ACVR2A: variants seen among roughly 807,000 people sequenced by gnomAD.
ACVR2A encodes the protein activin A receptor type 2A, also known as activin receptor type-2A.
In ACVR2A, 7 loss-of-function variants were observed where a neutral mutation model predicts 61.4. That is an observed-to-expected ratio of 0.11 (90% CI 0.06 to 0.21). The LOEUF (loss-of-function observed/expected upper bound fraction) is 0.21, where lower values mean the gene tolerates loss of function less well. ACVR2A is among the 10% of genes least tolerant of loss of function. The probability of loss-of-function intolerance (pLI) is 1.00; values close to 1 mark genes in which losing one functional copy is unlikely to be tolerated. For synonymous variants in ACVR2A, 193 were observed against 208.3 expected (o/e 0.93, Z 0.63); for missense variants, 322 against 621.7 (o/e 0.52, Z 5.13).
At chr2:147,865,736 A>G (rs754445073) in intron 1 of ACVR2A, among the ~76,000 whole-genome samples, 12 of 152,336 alleles carry the variant, frequency 7.9e-5, no homozygotes, top group Middle Eastern at 3.4e-3. Context: ...AGTATATGTC[A>G]CAACTGGGAG....
intron 6 of ACVR2A, 29 bp downstream of exon 6, chr2:147,917,455 A>G (rs781009040): frequency 4.4e-6 from 7 of 1,607,984 alleles, no homozygotes; most frequent in South Asian, 1.1e-5. Flanking sequence ...TTACTTTAGT[A>G]AAGTCTGAGT....
intron 1 of ACVR2A, among the ~76,000 whole-genome samples, chr2:147,875,857 A>T (rs1686140436): frequency 6.6e-6 from 1 of 152,106 alleles, no homozygotes; most frequent in Admixed American, 6.6e-5. Flanking sequence ...ATTACAGAAA[A>T]CATTTTTATA....
At chr2:147,870,069 G>A (rs1685970504) in intron 1 of ACVR2A, among the ~76,000 whole-genome samples, 1 of 144,976 alleles carries the variant, frequency 6.9e-6, no homozygotes, top group African/African-American at 2.5e-5. Flanking sequence ...TATATGGGAG[G>A]ACGTATGAGG....
chr2:147,846,503 A>G (rs1685317356), intron 1 of ACVR2A, among the ~76,000 whole-genome samples: 1 of 152,110 alleles, frequency 6.6e-6, no homozygotes, highest in Non-Finnish European at 1.5e-5. Context: ...ATAAATGGAT[A>G]AAGTCTAGTC....
At chr2:147,916,077 A>C (rs1332845451) in intron 5 of ACVR2A, among the ~76,000 whole-genome samples, 1 of 151,872 alleles carries the variant, frequency 6.6e-6, no homozygotes, top group Non-Finnish European at 1.5e-5. Context: ...CTTTTTCCAA[A>C]GTTATCATAT....
intron 4 of ACVR2A, among the ~76,000 whole-genome samples, chr2:147,912,343 A>C (rs1015945599): frequency 6.6e-6 from 1 of 152,022 alleles, no homozygotes; most frequent in Non-Finnish European, 1.5e-5. Flanking sequence ...ATATCTTTTT[A>C]GTTTTGCAAA....
At chr2:147,853,072 T>G (rs1290173367) in intron 1 of ACVR2A, among the ~76,000 whole-genome samples, 1 of 152,070 alleles carries the variant, frequency 6.6e-6, no homozygotes, top group Non-Finnish European at 1.5e-5. Context: ...ACTCGAAGAC[T>G]AAGGTAGAAT....
chr2:147,883,994 T>C (rs539815894), intron 1 of ACVR2A, among the ~76,000 whole-genome samples: 45 of 152,280 alleles, frequency 3.0e-4, no homozygotes, highest in African/African-American at 1.0e-3. Flanking sequence ...ACCCTTAATG[T>C]AGGTAGTGTC....
chr2:147,926,227 C>G, intron 10 of ACVR2A, 66 bp downstream of exon 10: 28 of 1,547,814 alleles, frequency 1.8e-5, no homozygotes, highest in Non-Finnish European at 1.9e-5. Context: ...AATTATTTAT[C>G]TCTGCACATT....
At position 147,917,611 on chromosome 2, in the gene ACVR2A, G is replaced by T. The variant is rs181924747; in HGVS notation, c.816+185G>T. Among the ~76,000 whole-genome samples, 11 of 151,928 alleles carry T rather than the reference G, an allele frequency of 7.2e-5. 1 individual carries two copies. The highest frequency in any genetic ancestry group is 3.4e-3 in the Middle Eastern group (1 of 294). ...TAGTTTATTTTAATAAAAGAGCAAA[G>T]ATGGCAACTTTTTAACCTAAAACTC... On this transcript the variant is annotated intron_variant, in intron 6 of 10. Transcript: ENST00000241416.
chr2:147,921,093 G>A (rs1185463085), intron 8 of ACVR2A, among the ~76,000 whole-genome samples: 1 of 152,098 alleles, frequency 6.6e-6, no homozygotes, highest in Non-Finnish European at 1.5e-5. Context: ...GAGTGCAGTG[G>A]CATGATCTTG....
intron 9 of ACVR2A, among the ~76,000 whole-genome samples, chr2:147,924,869 C>A (rs1687465958): frequency 6.6e-6 from 1 of 151,810 alleles, no homozygotes; most frequent in African/African-American, 2.4e-5. Context: ...GTGTTGCTGG[C>A]CTGTACACCA....
intron 1 of ACVR2A, among the ~76,000 whole-genome samples, chr2:147,871,512 G>C (rs1354644703): frequency 6.6e-6 from 1 of 151,906 alleles, no homozygotes; most frequent in Non-Finnish European, 1.5e-5. Flanking sequence ...CATTTACGTA[G>C]GTATGTATAA....
At chr2:147,922,684 A>G (rs1307586094) in intron 8 of ACVR2A, among the ~76,000 whole-genome samples, 2 of 152,114 alleles carry the variant, frequency 1.3e-5, no homozygotes, top group African/African-American at 4.8e-5. Context: ...CAGTATGCAA[A>G]GGTACAGTTG....
intron 1 of ACVR2A, among the ~76,000 whole-genome samples, chr2:147,861,129 A>G (rs1459662052): frequency 6.6e-6 from 1 of 152,216 alleles, no homozygotes; most frequent in Non-Finnish European, 1.5e-5. Context: ...GTAGCATTCT[A>G]AATAACTAAA....
intron 1 of ACVR2A, among the ~76,000 whole-genome samples, chr2:147,894,010 A>G (rs1314534061): frequency 6.6e-6 from 1 of 152,114 alleles, no homozygotes; most frequent in Non-Finnish European, 1.5e-5. Flanking sequence ...TTTTAGGTCT[A>G]TGATATGTTT....
At chr2:147,889,819 ATT>A (rs899365184) in intron 1 of ACVR2A, among the ~76,000 whole-genome samples, 1 of 147,590 alleles carries the variant, frequency 6.8e-6, no homozygotes, top group African/African-American at 2.5e-5. Context: ...GTGTATTGCT[ATT>A]TTTTTTTTAA....
chr2:147,910,809 C>T (rs969058836), intron 4 of ACVR2A, among the ~76,000 whole-genome samples: 36 of 152,124 alleles, frequency 2.4e-4, no homozygotes, highest in African/African-American at 8.4e-4. Context: ...CCAGGGCCAC[C>T]TCTGCTTAAC....
intron 1 of ACVR2A, among the ~76,000 whole-genome samples, chr2:147,863,582 T>G (rs915169667): frequency 6.6e-6 from 1 of 152,216 alleles, no homozygotes; most frequent in African/African-American, 2.4e-5. Flanking sequence ...ATTGTATTCT[T>G]ACAATAAGGA....
Sources: gnomAD v4.1 joint callset for allele counts (sites outside exome capture counted in the v4.1 genomes callset) on GRCh38, gnomAD v4.1.1 for gene constraint, MANE v1.5 for transcripts, NCBI Gene and HGNC (gene_info 2026-07-23, HGNC 2026-07-21) for gene names.